PCDHGA6: variants seen among roughly 807,000 people sequenced by gnomAD.
The protein encoded by PCDHGA6 is protocadherin gamma subfamily A, 6, also known as protocadherin gamma-A6.
Under a neutral mutation model 60.6 loss-of-function variants are expected in PCDHGA6, and 41 were observed. The observed-to-expected ratio is 0.68, with a 90% CI of 0.53 to 0.88. The LOEUF (loss-of-function observed/expected upper bound fraction) is 0.88, where lower values mean the gene tolerates loss of function less well. Ranked by LOEUF, PCDHGA6 falls within the 40% of genes least tolerant of loss-of-function variation. The pLI is 0.00. For missense variants in PCDHGA6, 1,312 were observed against 1,203.0 expected (o/e 1.09, Z -1.34); for synonymous variants, 594 against 524.4 (o/e 1.13, Z -1.81).
chr5:141,500,520 T>A (rs2099801106), intron 2 of PCDHGA6, among the ~76,000 whole-genome samples: 1 of 152,194 alleles, frequency 6.6e-6, no homozygotes, highest in South Asian at 2.1e-4. Context: ...AGCTTCATTT[T>A]AAAAAAATCT....
chr5:141,413,197 T>C (rs1429088178), intron 1 of PCDHGA6: 1 of 1,611,552 alleles, frequency 6.2e-7, no homozygotes, highest in Non-Finnish European at 8.5e-7. Flanking sequence ...AAGGAATCGC[T>C]CAAAGGAATC....
At position 141,431,851 on chromosome 5, in the gene PCDHGA6, A is replaced by G. The variant is rs2097423722; in HGVS notation, c.2424+55344A>G. 1 of 1,614,264 alleles carries G rather than the reference A, an allele frequency of 6.2e-7. No individual in the cohort carries two copies. The highest frequency in any genetic ancestry group is 1.1e-5 in the South Asian group (1 of 91,088). ...TTCCCGAAAACTCTCCCAGAGGGAC[A>G]TTAATTGCCCTTTTAAATGTAAATG... On this transcript the variant is annotated intron_variant, in intron 1 of 3. Coordinates refer to ENST00000517434, the MANE Select transcript of PCDHGA6 (RefSeq NM_018919.3). This position sits in a 1 kb window ranked among gnomAD's most constrained non-coding sequence, Gnocchi z 4.8.
chr5:141,421,277 T>C (rs761435958), intron 1 of PCDHGA6: 2 of 1,612,826 alleles, frequency 1.2e-6, no homozygotes, highest in Non-Finnish European at 1.7e-6. Flanking sequence ...CTGCTGCTGC[T>C]GTGCATTTTC....
At chr5:141,413,950 T>C (rs1448967281) in intron 1 of PCDHGA6, 1 of 1,613,264 alleles carries the variant, frequency 6.2e-7, no homozygotes. Context: ...TCCTGAGAAT[T>C]TGCCTGTGGG....
intron 1 of PCDHGA6, among the ~76,000 whole-genome samples, chr5:141,488,423 T>C (rs1204233986): frequency 2.0e-5 from 3 of 152,354 alleles, no homozygotes; most frequent in Non-Finnish European, 4.4e-5. Context: ...CCATCCATGC[T>C]TGGCCTCTGA....
intron 1 of PCDHGA6, among the ~76,000 whole-genome samples, chr5:141,397,411 T>G (rs1464488353): frequency 6.6e-6 from 1 of 152,210 alleles, no homozygotes; most frequent in East Asian, 1.9e-4. Context: ...AAAATAGTTT[T>G]AAATAGTATA....
In PCDHGA6 at chr5:141,385,322, A is replaced by C. The variant is rs1781120693; in HGVS notation, c.2424+8815A>C. On this transcript the variant is annotated intron_variant, in intron 1 of 3. Coordinates refer to ENST00000517434, the MANE Select transcript of PCDHGA6 (RefSeq NM_018919.3). ...TGTAAAGAAAACCTGCCAAGTATTC[A>C]GGTGAGCCCAGCCCTTCCTTTATTT... is the stretch of plus-strand genomic sequence containing the variant. The C allele has an allele frequency of 1.9e-6, 3 of 1,606,974 alleles. No homozygotes were observed. In the East Asian group the frequency reaches 6.7e-5, roughly 36 times the overall value.
At chr5:141,438,749 C>T (rs1238134451) in intron 1 of PCDHGA6, among the ~76,000 whole-genome samples, 3 of 149,226 alleles carry the variant, frequency 2.0e-5, no homozygotes, top group African/African-American at 4.9e-5. Context: ...GCAACCTCTG[C>T]CTCCTGGGTT....
chr5:141,426,879 G>T, intron 1 of PCDHGA6: 1 of 456,710 alleles, frequency 2.2e-6, no homozygotes. Flanking sequence ...GAAGCCCCTG[G>T]GCCAGGAGCA....
At chr5:141,394,545 G>A in intron 1 of PCDHGA6, 1 of 1,614,164 alleles carries the variant, frequency 6.2e-7, no homozygotes, top group South Asian at 1.1e-5. Flanking sequence ...CGTGGAGCTG[G>A]CGCCCCGCTC....
intron 1 of PCDHGA6, among the ~76,000 whole-genome samples, chr5:141,482,238 A>G (rs560354311): frequency 8.5e-5 from 13 of 152,304 alleles, no homozygotes; most frequent in African/African-American, 2.9e-4. Context: ...TTGCCAATAT[A>G]AGTATAGTAC....
chr5:141,489,707 G>A lies in PCDHGA6; in HGVS notation c.2425-5100G>A. 6.2e-7 allele frequency: 1 copy of A among 1,614,194 alleles called. No individual in the cohort carries two copies. Among genetic ancestry groups the A allele is most frequent in the Non-Finnish European group, 8.5e-7 (1 of 1,180,022 alleles). The stretch of plus-strand genomic sequence containing the variant: ...TCTGGGGCACGATTCCCACTGGACA[G>A]TGCCCAGGATCCGGATGTGGGCACC... On this transcript the variant is annotated intron_variant, in intron 1 of 3. Transcript: ENST00000517434. The surrounding 1 kb of genome is among the most constrained non-coding windows in gnomAD (Gnocchi z 4.5).
intron 1 of PCDHGA6, chr5:141,479,750 G>T: frequency 6.6e-6 from 1 of 152,310 alleles, no homozygotes. Context: ...CAATGTGAAA[G>T]GTAGATAAAT....
Position 141,384,108 on chromosome 5 carries a change from AT to A in PCDHGA6, c.2424+7603del. 1.9e-6 allele frequency: 3 copies of A among 1,603,570 alleles called. No individual in the cohort carries two copies. In the East Asian group the frequency reaches 6.8e-5, roughly 36 times the overall value. Reference sequence around the variant, plus strand: ...AAAAATCAATAGATAATTATTATAGATTGGTCACAACCAAAAACTTGGACCG... The same window carrying A: ...AAAAATCAATAGATAATTATTATAGATGGTCACAACCAAAAACTTGGACCG... On this transcript the variant is annotated intron_variant, in intron 1 of 3. Transcript: ENST00000517434.
rs994009107 is a variant in PCDHGA6 at position 141,490,364 on chromosome 5, G to A, written c.2425-4443G>A. ...ACAGTAGTGGGGTTGTTTAATGTGC[G>A]AGACCGGGACTCAGGTAGAAATGGT... On this transcript the variant is annotated intron_variant, in intron 1 of 3. Transcript: ENST00000517434. The surrounding 1 kb of genome is among the most constrained non-coding windows in gnomAD (Gnocchi z 5.4). 7 of 1,614,056 alleles carry A rather than the reference G, an allele frequency of 4.3e-6. No individual in the cohort carries two copies. In the African/African-American group the frequency reaches 5.3e-5, roughly 12 times the overall value.
At chr5:141,419,739 G>A (rs200899065) in intron 1 of PCDHGA6, 179 of 1,613,652 alleles carry the variant, frequency 1.1e-4, no homozygotes, top group Admixed American at 2.5e-4. Context: ...GGCGAGGTGC[G>A]CATGGTGCGT....
Position 141,486,656 on chromosome 5 carries a change from C to A in PCDHGA6, c.2425-8151C>A. 6.2e-7 allele frequency: 1 copy of A among 1,614,020 alleles called. No homozygotes were observed. Among genetic ancestry groups the A allele is most frequent in the Non-Finnish European group, 8.5e-7 (1 of 1,180,038 alleles). On this transcript the variant is annotated intron_variant, in intron 1 of 3. Transcript: ENST00000517434. This position sits in a 1 kb window ranked among gnomAD's most constrained non-coding sequence, Gnocchi z 5.0. ...GAATGCGCTTATCTCCTACTCACTCCTGGAGCCCAGGAATCGAGATGTATC... is the reference window on the plus strand; with the variant it reads ...GAATGCGCTTATCTCCTACTCACTCATGGAGCCCAGGAATCGAGATGTATC...
At chr5:141,510,887 G>C (rs2099883217) in intron 3 of PCDHGA6, 60 bp from the exon 4 acceptor site, 2 of 1,612,600 alleles carry the variant, frequency 1.2e-6, no homozygotes, top group East Asian at 4.5e-5. Context: ...GGGGATATAA[G>C]ACAGTGACTG....
intron 1 of PCDHGA6, among the ~76,000 whole-genome samples, chr5:141,437,913 T>G (rs1232481433): frequency 6.6e-6 from 1 of 152,138 alleles, no homozygotes; most frequent in East Asian, 1.9e-4. Context: ...AATTTTTGTA[T>G]TTTTAGTAGA....
Sources: allele counts gnomAD v4.1 joint callset (sites outside exome capture counted in the v4.1 genomes callset), GRCh38; gene constraint gnomAD v4.1.1; non-coding constraint Gnocchi (gnomAD v3.1); transcripts MANE v1.5; gene names NCBI Gene and HGNC (gene_info 2026-07-23, HGNC 2026-07-21).